Variants in LEKR1 observed in about 807,000 individuals in gnomAD.
LEKR1 encodes protein LEKR1.
A neutral mutation model predicts 72.4 loss-of-function variants in LEKR1; 59 were observed. The ratio of observed to expected loss-of-function variants is 0.82; its 90% confidence interval spans 0.66 to 1.01. The LOEUF (loss-of-function observed/expected upper bound fraction) is 1.01, where lower values mean the gene tolerates loss of function less well. LEKR1 is among the 50% of genes least tolerant of loss of function. LEKR1 has a pLI of 0.00. For synonymous variants in LEKR1, 257 were observed against 263.2 expected (o/e 0.98, Z 0.23); for missense variants, 728 against 759.2 (o/e 0.96, Z 0.48).
intron 7 of LEKR1, among the ~76,000 whole-genome samples, chr3:156,986,608 T>A (rs1730710177): frequency 6.6e-6 from 1 of 152,126 alleles, no homozygotes; most frequent in South Asian, 2.1e-4. Flanking sequence ...GGCAGCAAAG[T>A]GCAGTGACTG....
At chr3:156,933,232 A>G (rs1725408279) in intron 5 of LEKR1, among the ~76,000 whole-genome samples, 1 of 152,200 alleles carries the variant, frequency 6.6e-6, no homozygotes, top group Admixed American at 6.5e-5. Context: ...TCGTAAATAT[A>G]CTATATATTA....
At chr3:156,891,282 C>G (rs1720642112) in intron 3 of LEKR1, among the ~76,000 whole-genome samples, 1 of 152,136 alleles carries the variant, frequency 6.6e-6, no homozygotes, top group African/African-American at 2.4e-5. Context: ...CTGGAAAATA[C>G]AACCCAAAGT....
intron 3 of LEKR1, among the ~76,000 whole-genome samples, chr3:156,878,091 T>C (rs1207225171): frequency 6.6e-6 from 1 of 152,114 alleles, no homozygotes; most frequent in African/African-American, 2.4e-5. Flanking sequence ...GCCTCATTTA[T>C]CTTTTTTACT....
intron 6 of LEKR1, among the ~76,000 whole-genome samples, chr3:156,956,755 CA>C (rs1322682822): frequency 6.6e-6 from 1 of 151,544 alleles, no homozygotes; most frequent in Admixed American, 6.6e-5. Context: ...AGCAGACTGA[CA>C]AAAAAGTATT....
intron 6 of LEKR1, among the ~76,000 whole-genome samples, chr3:156,944,542 C>T (rs1023853374): frequency 2.0e-5 from 3 of 151,598 alleles, no homozygotes; most frequent in African/African-American, 7.3e-5. Context: ...ATTAACCATC[C>T]CCACTTTCCA....
intron 6 of LEKR1, among the ~76,000 whole-genome samples, chr3:156,954,720 C>CT (rs1443701520): frequency 6.6e-5 from 10 of 152,140 alleles, no homozygotes; most frequent in South Asian, 6.2e-4. Context: ...TTCTATATGT[C>CT]TGTTTTTGTA....
chr3:157,040,489 C>T (rs569976726), intron 12 of LEKR1, among the ~76,000 whole-genome samples: 74 of 152,298 alleles, frequency 4.9e-4, no homozygotes, highest in African/African-American at 1.8e-3. Context: ...TCTTCTCTTA[C>T]CAAAAGGCCA....
chr3:156,915,255 T>C (rs1457545223), intron 3 of LEKR1, among the ~76,000 whole-genome samples: 1 of 152,192 alleles, frequency 6.6e-6, no homozygotes, highest in Non-Finnish European at 1.5e-5. Flanking sequence ...TTTATATTCC[T>C]TTGCGTTTAT....
rs189597047 is a variant in LEKR1, at chr3:157,008,691, G to A, written c.1110-2722G>A. On this transcript the variant is annotated intron_variant, in intron 9 of 12. Coordinates refer to ENST00000356539, the MANE Select transcript of LEKR1 (RefSeq NM_001004316.3). ...TACAGATAACTTCTATTGTGTCCGT[G>A]TTTCTCTCTATAATTTTACCAAGCA... Among the ~76,000 whole-genome samples the A allele has an allele frequency of 2.0e-5, 3 of 152,232 alleles. No homozygotes were observed. In the East Asian group the frequency reaches 5.8e-4, roughly 29 times the overall value.
chr3:156,845,099 G>T (rs1391418495), intron 2 of LEKR1, among the ~76,000 whole-genome samples: 2 of 151,986 alleles, frequency 1.3e-5, no homozygotes, highest in African/African-American at 4.8e-5. Flanking sequence ...CTAATGAAAT[G>T]ATGTTGAATA....
intron 6 of LEKR1, among the ~76,000 whole-genome samples, chr3:156,973,637 C>T (rs1207339357): frequency 6.6e-6 from 1 of 152,080 alleles, no homozygotes; most frequent in Non-Finnish European, 1.5e-5. Flanking sequence ...TATAGACCAT[C>T]ATTCATCACC....
intron 11 of LEKR1, among the ~76,000 whole-genome samples, chr3:157,027,667 T>C (rs537393055): frequency 6.6e-6 from 1 of 152,082 alleles, no homozygotes; most frequent in African/African-American, 2.4e-5. Flanking sequence ...AATAAAAAAT[T>C]AGCCAGGGGT....
At chr3:156,828,515 C>T (rs1222709528) in intron 1 of LEKR1, among the ~76,000 whole-genome samples, 1 of 151,910 alleles carries the variant, frequency 6.6e-6, no homozygotes, top group Non-Finnish European at 1.5e-5. Flanking sequence ...TCTGACTCTG[C>T]TGCCACTGCC....
At chr3:156,878,163 T>C (rs1718847246) in intron 3 of LEKR1, among the ~76,000 whole-genome samples, 1 of 152,094 alleles carries the variant, frequency 6.6e-6, no homozygotes, top group South Asian at 2.1e-4. Context: ...TTTTTTCTGC[T>C]GGGTTTGGGT....
chr3:156,875,801 C>T (rs1441306622), intron 3 of LEKR1, among the ~76,000 whole-genome samples: 1 of 151,908 alleles, frequency 6.6e-6, no homozygotes. Context: ...TGAGACCATC[C>T]TCGCTAACAT....
intron 6 of LEKR1, among the ~76,000 whole-genome samples, chr3:156,962,337 G>GTTTGTAA (rs752437585): frequency 1.3e-5 from 2 of 152,186 alleles, no homozygotes; most frequent in Non-Finnish European, 2.9e-5. Flanking sequence ...AACCAAGGAA[G>GTTTGTAA]TTTGTAATTA....
chr3:156,955,138 A>C (rs1311649120), intron 6 of LEKR1, among the ~76,000 whole-genome samples: 1 of 151,830 alleles, frequency 6.6e-6, no homozygotes, highest in African/African-American at 2.4e-5. Flanking sequence ...ATGGGATTTC[A>C]TTCATTATTT....
At chr3:156,914,880 C>T (rs913537930) in intron 3 of LEKR1, among the ~76,000 whole-genome samples, 5 of 152,040 alleles carry the variant, frequency 3.3e-5, no homozygotes, top group South Asian at 2.1e-4. Context: ...CAGATTACTT[C>T]GTCACCCAAG....
intron 4 of LEKR1, among the ~76,000 whole-genome samples, chr3:156,923,544 A>C (rs1325076436): frequency 6.6e-6 from 1 of 152,092 alleles, no homozygotes; most frequent in Non-Finnish European, 1.5e-5. Context: ...CACTGTATGG[A>C]TATACCACAT....
Sources: gnomAD v4.1 joint callset for allele counts (sites outside exome capture counted in the v4.1 genomes callset) on GRCh38, gnomAD v4.1.1 for gene constraint, MANE v1.5 for transcripts, NCBI Gene and HGNC (gene_info 2026-07-23, HGNC 2026-07-21) for gene names.